The following KIAA1217 variants were observed in gnomAD, a reference collection of about 807,000 sequenced individuals.
KIAA1217 encodes the protein sickle tail protein homolog.
Under a neutral mutation model 163.9 loss-of-function variants are expected in KIAA1217, and 88 were observed. The ratio of observed to expected loss-of-function variants is 0.54; its 90% CI spans 0.45 to 0.64. KIAA1217 has a LOEUF of 0.64. Among genes scored for constraint, KIAA1217 ranks in the 30% least tolerant of loss-of-function variants. KIAA1217 has a pLI of 0.00. For synonymous variants in KIAA1217, 903 were observed against 923.1 expected (o/e 0.98, Z 0.39); for missense variants, 2,372 against 2,475.0 (o/e 0.96, Z 0.88).
chr10:24,294,148 A>G (rs2079422353), intron 2 of KIAA1217, among the ~76,000 whole-genome samples: 1 of 125,186 alleles, frequency 8.0e-6, no homozygotes, highest in Admixed American at 1.1e-4. Flanking sequence ...AGATAGCGCC[A>G]CTGCACTCCA....
chr10:23,873,009 T>G (rs1281718822), intron 1 of KIAA1217, among the ~76,000 whole-genome samples: 5 of 152,060 alleles, frequency 3.3e-5, no homozygotes, highest in African/African-American at 1.2e-4. Context: ...AAAAGTCTGT[T>G]AAAAAGCTCT....
intron 1 of KIAA1217, among the ~76,000 whole-genome samples, chr10:24,214,068 GA>G (rs1800529383): frequency 6.6e-6 from 1 of 152,122 alleles, no homozygotes; most frequent in Non-Finnish European, 1.5e-5. Flanking sequence ...GAGGCAGGAG[GA>G]TCACTTGAGC....
chr10:23,857,228 G>A (rs1023851306), intron 1 of KIAA1217, among the ~76,000 whole-genome samples: 4 of 152,128 alleles, frequency 2.6e-5, no homozygotes, highest in African/African-American at 4.8e-5. Context: ...CTCCCCATAC[G>A]ATACTGACTT....
chr10:24,482,416 C>T (rs2133342600), intron 6 of KIAA1217: 1 of 152,308 alleles, frequency 6.6e-6, no homozygotes, highest in Middle Eastern at 3.4e-3. Context: ...AGAGGAATAG[C>T]TTAGGTGCAG....
chr10:23,753,268 GAAAGA>G (rs1021986400), intron 1 of KIAA1217, among the ~76,000 whole-genome samples: 1 of 152,138 alleles, frequency 6.6e-6, no homozygotes, highest in Non-Finnish European at 1.5e-5. Flanking sequence ...AAGCTTTATA[GAAAGA>G]AAAGATGACA....
At chr10:24,179,292 C>T (rs1190511610) in intron 2 of KIAA1217, among the ~76,000 whole-genome samples, 1 of 152,082 alleles carries the variant, frequency 6.6e-6, no homozygotes, top group Non-Finnish European at 1.5e-5. Flanking sequence ...GGAGGTAGGG[C>T]TTGGTGGGAG....
At chr10:23,963,287 C>G (rs1360750039) in intron 1 of KIAA1217, among the ~76,000 whole-genome samples, 3 of 151,998 alleles carry the variant, frequency 2.0e-5, no homozygotes, top group Non-Finnish European at 4.4e-5. Context: ...CTTGAGAGGC[C>G]CCGGTGTGTG....
intron 1 of KIAA1217, among the ~76,000 whole-genome samples, chr10:23,824,652 A>ATATATATATATAT (rs1491317629): frequency 9.5e-5 from 1 of 10,546 alleles, no homozygotes; most frequent in African/African-American, 2.0e-4. Flanking sequence ...AAAAAAAAAT[A>ATATATATATATAT]AAAAAAATAT....
At chr10:24,249,111 T>C (rs773140156) in intron 2 of KIAA1217, among the ~76,000 whole-genome samples, 1 of 152,238 alleles carries the variant, frequency 6.6e-6, no homozygotes, top group Non-Finnish European at 1.5e-5. Context: ...TCACTGTAAT[T>C]AGACTTTTCT....
intron 2 of KIAA1217, among the ~76,000 whole-genome samples, chr10:24,100,479 C>A (rs2062369743): frequency 6.6e-6 from 1 of 152,164 alleles, no homozygotes; most frequent in Non-Finnish European, 1.5e-5. Flanking sequence ...CTAACCATCA[C>A]CCTATCATAA....
chr10:23,918,715 C>A (rs1056432157), intron 1 of KIAA1217, among the ~76,000 whole-genome samples: 2 of 146,462 alleles, frequency 1.4e-5, no homozygotes, highest in African/African-American at 5.3e-5. Context: ...ATAGTGTGAT[C>A]TTTAAGAATT....
intron 1 of KIAA1217, among the ~76,000 whole-genome samples, chr10:23,905,377 C>G (rs1032435776): frequency 1.3e-5 from 2 of 151,986 alleles, no homozygotes; most frequent in African/African-American, 4.8e-5. Flanking sequence ...CACCCACAGC[C>G]GAGGAGCCTG....
intron 1 of KIAA1217, among the ~76,000 whole-genome samples, chr10:23,715,565 T>C (rs1192676805): frequency 8.5e-5 from 13 of 152,178 alleles, no homozygotes; most frequent in Non-Finnish European, 1.5e-5. Context: ...GATGTAGCTA[T>C]AAGATTTTAC....
At chr10:23,799,827 T>C (rs924292865) in intron 1 of KIAA1217, among the ~76,000 whole-genome samples, 5 of 152,176 alleles carry the variant, frequency 3.3e-5, no homozygotes, top group Admixed American at 6.5e-5. Context: ...GTCTTTGGAA[T>C]GTCAGATTTA....
chr10:24,300,254 T>C (rs1216059319), intron 2 of KIAA1217, among the ~76,000 whole-genome samples: 1 of 152,234 alleles, frequency 6.6e-6, no homozygotes, highest in Admixed American at 6.5e-5. Flanking sequence ...AAGAGATCAC[T>C]GCTTAGTCAG....
At chr10:24,310,411 G>A (rs1343063289) in intron 2 of KIAA1217, among the ~76,000 whole-genome samples, 2 of 152,238 alleles carry the variant, frequency 1.3e-5, no homozygotes, top group Non-Finnish European at 2.9e-5. Flanking sequence ...CCACGACTCT[G>A]AGTGACTAAA....
In KIAA1217 at chr10:24,536,752, C is replaced by T. The variant is rs370662585; in HGVS notation, c.3415-22C>T. The T allele has an allele frequency of 1.9e-6, 3 of 1,611,646 alleles. No homozygotes were observed. In the African/African-American group the frequency reaches 4.0e-5, roughly 22 times the overall value. ...CTCAGTACCCTTGGATCCCTGTTAA[C>T]CTCAGTATTTTAATTCCTTAGGCAT... On this transcript the variant is annotated intron_variant, in intron 16 of 20. Transcript: ENST00000376454.
At chr10:24,294,213 AG>A (rs1434030038) in intron 2 of KIAA1217, among the ~76,000 whole-genome samples, 7 of 150,076 alleles carry the variant, frequency 4.7e-5, no homozygotes, top group African/African-American at 7.3e-5. Flanking sequence ...AAAAAAAAAA[AG>A]AAATAGTTCC....
chr10:24,039,975 C>T (rs1274428349), intron 2 of KIAA1217, among the ~76,000 whole-genome samples: 1 of 152,148 alleles, frequency 6.6e-6, no homozygotes, highest in Admixed American at 6.5e-5. Flanking sequence ...ATTACACTGG[C>T]TCTCCCAGAG....
Sources: gnomAD v4.1 joint callset for allele counts (sites outside exome capture counted in the v4.1 genomes callset) on GRCh38, gnomAD v4.1.1 for gene constraint, MANE v1.5 for transcripts, NCBI Gene and HGNC (gene_info 2026-07-23, HGNC 2026-07-21) for gene names.